ANO4: variants seen among roughly 807,000 people sequenced by gnomAD.
The protein encoded by ANO4 is anoctamin-4.
A neutral mutation model predicts 141.9 loss-of-function variants in ANO4; 69 were observed. That is an observed-to-expected ratio of 0.49 (90% confidence interval 0.40 to 0.59). The LOEUF (loss-of-function observed/expected upper bound fraction) is 0.59. Among genes scored for constraint, ANO4 ranks in the 20% least tolerant of loss-of-function variants. The pLI is 0.00. For missense variants in ANO4, 894 were observed against 1,162.2 expected (o/e 0.77, Z 3.36); for synonymous variants, 350 against 394.3 (o/e 0.89, Z 1.33).
intron 1 of ANO4, among the ~76,000 whole-genome samples, chr12:100,810,833 A>G (rs1206059370): frequency 6.6e-6 from 1 of 152,176 alleles, no homozygotes; most frequent in Non-Finnish European, 1.5e-5. Context: ...CAATAGGTCA[A>G]TATGATGAGT....
At chr12:101,082,254 GC>G (rs1331453474) in intron 15 of ANO4, among the ~76,000 whole-genome samples, 1 of 152,136 alleles carries the variant, frequency 6.6e-6, no homozygotes, top group African/African-American at 2.4e-5. Context: ...GGTCTCTCTT[GC>G]CTGCCACCAT....
chr12:101,003,812 ATGTTT>A (rs1413184123), intron 8 of ANO4, among the ~76,000 whole-genome samples: 2 of 152,284 alleles, frequency 1.3e-5, no homozygotes, highest in Admixed American at 6.5e-5. Flanking sequence ...GAAATGGTAA[ATGTTT>A]TGTTCTGAAC....
At chr12:100,862,614 G>C (rs572523250) in intron 1 of ANO4, among the ~76,000 whole-genome samples, 1 of 152,154 alleles carries the variant, frequency 6.6e-6, no homozygotes, top group Non-Finnish European at 1.5e-5. Flanking sequence ...GAGCCACTGT[G>C]CCTGGCCTTT....
chr12:100,909,589 C>G (rs1229024221), intron 2 of ANO4, among the ~76,000 whole-genome samples: 1 of 152,050 alleles, frequency 6.6e-6, no homozygotes, highest in Non-Finnish European at 1.5e-5. Context: ...GGCAGCATAA[C>G]CTTATTATGC....
rs1178629269 is a variant in ANO4 at position 101,048,321 on chromosome 12, C to G, written c.1252-20C>G. 1.2e-6 allele frequency: 2 copies of G among 1,611,868 alleles called. No individual in the cohort carries two copies. The highest frequency in any genetic ancestry group is 2.2e-5 in the South Asian group (2 of 90,740). On this transcript the variant is annotated intron_variant, in intron 13 of 27. Transcript: ENST00000392977. ...TCATATATGAGAAATTAACTCAGCA[C>G]CGATTCTTATTATTCACAGGTAACC... is the stretch of plus-strand genomic sequence containing the variant.
chr12:101,046,584 T>C (rs187580872), intron 13 of ANO4, among the ~76,000 whole-genome samples: 58 of 152,310 alleles, frequency 3.8e-4, no homozygotes, highest in Middle Eastern at 6.8e-3. Context: ...TTTTTGTGTT[T>C]TGTTAGTTCC....
At chr12:100,736,987 A>C (rs2031646342) in intron 2 of ANO4, among the ~76,000 whole-genome samples, 2 of 152,058 alleles carry the variant, frequency 1.3e-5, no homozygotes, top group South Asian at 4.2e-4. Context: ...TAAGCCACCC[A>C]GTTTGTGGTA....
intron 3 of ANO4, among the ~76,000 whole-genome samples, chr12:100,759,561 C>T (rs886329903): frequency 6.6e-6 from 1 of 152,200 alleles, no homozygotes; most frequent in African/African-American, 2.4e-5. Context: ...GAGAACCCTC[C>T]CACATGCCTG....
At chr12:100,947,111 T>G (rs1234038559) in intron 5 of ANO4, among the ~76,000 whole-genome samples, 1 of 152,172 alleles carries the variant, frequency 6.6e-6, no homozygotes, top group African/African-American at 2.4e-5. Flanking sequence ...TTCAATATGT[T>G]TCACTGTAAA....
At chr12:101,075,311 G>T (rs970008594) in intron 14 of ANO4, among the ~76,000 whole-genome samples, 2 of 152,166 alleles carry the variant, frequency 1.3e-5, no homozygotes, top group African/African-American at 4.8e-5. Flanking sequence ...TATGAGCTTT[G>T]CATCGTGAGC....
At chr12:101,028,555 A>G (rs1169903868) in intron 9 of ANO4, among the ~76,000 whole-genome samples, 1 of 152,202 alleles carries the variant, frequency 6.6e-6, no homozygotes, top group Non-Finnish European at 1.5e-5. Context: ...AGCTGAATTG[A>G]CCAAGAGGAA....
At chr12:101,037,957 A>G (rs557917978) in intron 10 of ANO4, among the ~76,000 whole-genome samples, 2 of 152,348 alleles carry the variant, frequency 1.3e-5, no homozygotes, top group South Asian at 4.1e-4. Flanking sequence ...TAATTTGTCA[A>G]TAGACTTTGG....
At chr12:100,840,182 C>G (rs1378312394) in intron 1 of ANO4, among the ~76,000 whole-genome samples, 2 of 152,092 alleles carry the variant, frequency 1.3e-5, no homozygotes, top group African/African-American at 4.8e-5. Flanking sequence ...ATTAGTTACC[C>G]GTTCTCTTTC....
chr12:101,036,471 A>G (rs2047201665), intron 9 of ANO4, among the ~76,000 whole-genome samples: 1 of 152,318 alleles, frequency 6.6e-6, no homozygotes, highest in Admixed American at 6.5e-5. Context: ...GGAAGAATGG[A>G]TAAAGGAATT....
intron 3 of ANO4, among the ~76,000 whole-genome samples, chr12:100,788,083 T>G (rs1040820746): frequency 7.2e-5 from 11 of 152,222 alleles, no homozygotes; most frequent in African/African-American, 2.2e-4. Flanking sequence ...TTATTAGGCC[T>G]CCTCTAAGGC....
chr12:101,099,888 G>C (rs1045872364), intron 22 of ANO4, among the ~76,000 whole-genome samples, 168 bp downstream of exon 22: 1 of 152,158 alleles, frequency 6.6e-6, no homozygotes, highest in Non-Finnish European at 1.5e-5. Context: ...TACATTTAAG[G>C]AATCAGATTT....
chr12:101,126,611 G>A (rs144148045), intron 26 of ANO4, among the ~76,000 whole-genome samples: 207 of 152,278 alleles, frequency 1.4e-3, no homozygotes, highest in Middle Eastern at 3.4e-3. Flanking sequence ...TGACTCCACA[G>A]AATACATTCT....
At position 100,825,712 on chromosome 12, in the gene ANO4, C is replaced by A. The variant is rs1455233222; in HGVS notation, c.-141+30685C>A. ...AAAATTTGGAACACTTAATTATGGA[C>A]ATTAACATATTTACACATAATTAAC... On this transcript the variant is annotated intron_variant, in intron 1 of 27. Transcript: ENST00000392977. Among the ~76,000 whole-genome samples the A allele has an allele frequency of 3.9e-5, 6 of 151,998 alleles. No homozygotes were observed. In the East Asian group the frequency reaches 7.7e-4, roughly 20 times the overall value.
At chr12:101,046,283 C>T (rs1017024899) in intron 13 of ANO4, among the ~76,000 whole-genome samples, 2 of 151,902 alleles carry the variant, frequency 1.3e-5, no homozygotes, top group Admixed American at 1.3e-4. Flanking sequence ...ACCTGCTTTT[C>T]ACCCATGTCT....
Sources: gnomAD v4.1 joint callset for allele counts (sites outside exome capture counted in the v4.1 genomes callset) on GRCh38, gnomAD v4.1.1 for gene constraint, MANE v1.5 for transcripts, NCBI Gene and HGNC (gene_info 2026-07-23, HGNC 2026-07-21) for gene names.